The following EYS variants were observed in gnomAD, a reference collection of about 807,000 sequenced individuals.
The protein encoded by EYS is EGF-like photoreceptor maintenance factor.
In EYS, 250 loss-of-function variants were observed where a neutral mutation model predicts 282.1. The ratio of observed to expected loss-of-function variants is 0.89; its 90% CI spans 0.80 to 0.98. The LOEUF (loss-of-function observed/expected upper bound fraction) is 0.98, where lower values mean the gene tolerates loss of function less well. EYS is among the 50% of genes least tolerant of loss of function. The pLI is 0.00. For synonymous variants in EYS, 1,355 were observed against 1,282.9 expected (o/e 1.06, Z -1.20); for missense variants, 4,016 against 3,709.0 (o/e 1.08, Z -2.15).
intron 28 of EYS, among the ~76,000 whole-genome samples, chr6:64,398,231 A>C (rs1195162550): frequency 6.6e-6 from 1 of 151,968 alleles, no homozygotes; most frequent in Non-Finnish European, 1.5e-5. Context: ...GCAAGTTTTA[A>C]ACTTGAACAC....
rs57961542 is a variant in EYS, at chr6:65,594,504, T to TA, written c.-333+45273_-333+45274insT. On this transcript the variant is annotated intron_variant, in intron 2 of 42. Transcript: ENST00000503581. Reference sequence around the variant, plus strand: ...TTGCAGTAGAGACATTTTCCTTTTTTTATATATATTTGTGTCTGTCTTATT... The same window carrying TA: ...TTGCAGTAGAGACATTTTCCTTTTTTATATATATATTTGTGTCTGTCTTATT... 8.7e-3 allele frequency among the ~76,000 whole-genome samples: 1,328 copies of TA among 152,158 alleles called. 13 individuals carry two copies. Among genetic ancestry groups the TA allele is most frequent in the African/African-American group, 0.03 (1,244 of 41,532 alleles).
At chr6:64,324,675 C>T (rs564835797) in intron 29 of EYS, among the ~76,000 whole-genome samples, 3 of 152,162 alleles carry the variant, frequency 2.0e-5, no homozygotes, top group South Asian at 2.1e-4. Flanking sequence ...ATAAGTCAAA[C>T]GATCTTTCTT....
intron 12 of EYS, among the ~76,000 whole-genome samples, chr6:65,151,319 T>C (rs540987098): frequency 6.6e-6 from 1 of 152,132 alleles, no homozygotes; most frequent in Non-Finnish European, 1.5e-5. Flanking sequence ...GGTCTTCATC[T>C]GTAGAAGATA....
chr6:63,871,687 G>A (rs1351239778), intron 35 of EYS, among the ~76,000 whole-genome samples: 1 of 151,830 alleles, frequency 6.6e-6, no homozygotes, highest in African/African-American at 2.4e-5. Context: ...AAAAGAATGT[G>A]TTGTTTGTTA....
At chr6:64,253,682 T>C (rs570180444) in intron 30 of EYS, among the ~76,000 whole-genome samples, 8 of 152,220 alleles carry the variant, frequency 5.3e-5, no homozygotes, top group Non-Finnish European at 1.0e-4. Context: ...ACTGCACCTG[T>C]ACCCTGAACC....
At chr6:64,628,172 A>C (rs1361913913) in intron 22 of EYS, among the ~76,000 whole-genome samples, 1 of 152,048 alleles carries the variant, frequency 6.6e-6, no homozygotes, top group Non-Finnish European at 1.5e-5. Flanking sequence ...TGTGAAGATG[A>C]CATCTTCAGT....
chr6:64,243,901 T>G (rs551416800), intron 30 of EYS, among the ~76,000 whole-genome samples: 1 of 152,170 alleles, frequency 6.6e-6, no homozygotes. Context: ...TTGTTTCAAG[T>G]TTTTCAAGTT....
At chr6:64,704,523 A>G (rs570284220) in intron 22 of EYS, among the ~76,000 whole-genome samples, 1 of 84,210 alleles carries the variant, frequency 1.2e-5, no homozygotes, top group Non-Finnish European at 2.5e-5. Flanking sequence ...TTATAATTAT[A>G]ATACTTATAA....
chr6:64,761,581 C>T (rs559152044), intron 22 of EYS, among the ~76,000 whole-genome samples: 11 of 152,274 alleles, frequency 7.2e-5, no homozygotes, highest in South Asian at 2.1e-4. Context: ...CTCAGCCTCC[C>T]GAGCAGCTGG....
intron 12 of EYS, among the ~76,000 whole-genome samples, chr6:65,080,272 G>C (rs1774193652): frequency 6.6e-6 from 1 of 152,110 alleles, no homozygotes; most frequent in African/African-American, 2.4e-5. Context: ...TTGGCCAACT[G>C]TGAGTACAGT....
rs9451613 is a variant in EYS, at chr6:64,447,631, A to G, written c.5645-8279T>C. Among the ~76,000 whole-genome samples, 282 of 152,276 alleles carry G rather than the reference A, an allele frequency of 1.9e-3. 1 individual carries two copies. Among genetic ancestry groups the G allele is most frequent in the African/African-American group, 6.6e-3 (274 of 41,580 alleles). The stretch of plus-strand genomic sequence containing the variant: ...AAGCAAGTATTAATCATAAAATGCC[A>G]AAAAAAGTTTACAAAACAATCAATA... On this transcript the variant is annotated intron_variant, in intron 26 of 42. Coordinates refer to ENST00000503581, the MANE Select transcript of EYS (RefSeq NM_001142800.2).
intron 2 of EYS, among the ~76,000 whole-genome samples, chr6:65,554,818 G>A (rs1474593739): frequency 1.3e-5 from 2 of 152,154 alleles, no homozygotes; most frequent in Admixed American, 6.5e-5. Flanking sequence ...AGGAGTAGAA[G>A]GCTTTAAGTC....
At chr6:65,316,671 C>A (rs971597632) in intron 11 of EYS, among the ~76,000 whole-genome samples, 1 of 151,744 alleles carries the variant, frequency 6.6e-6, no homozygotes, top group African/African-American at 2.4e-5. Flanking sequence ...TGATGTTCCC[C>A]TCCTTGTGTC....
chr6:65,170,550 C>T (rs994734628), intron 12 of EYS, among the ~76,000 whole-genome samples: 1 of 151,460 alleles, frequency 6.6e-6, no homozygotes, highest in Admixed American at 6.6e-5. Context: ...TTTCTGCCAA[C>T]TTAAAAGGTC....
chr6:64,256,973 T>G (rs1027724023), intron 30 of EYS, among the ~76,000 whole-genome samples: 1 of 152,088 alleles, frequency 6.6e-6, no homozygotes, highest in Non-Finnish European at 1.5e-5. Flanking sequence ...CACAATTATT[T>G]GTTTCTTGCA....
rs1433967086 is a variant in EYS, at chr6:64,388,720, A to C, written c.6048T>G (p.Gly2016=). 2 of 1,538,666 alleles carry C rather than the reference A, an allele frequency of 1.3e-6. No individual in the cohort carries two copies. Among genetic ancestry groups the C allele is most frequent in the East Asian group, 2.5e-5 (1 of 40,112 alleles). The change falls in exon 29 of 43, where the codon GGT becomes GGG. Residue 2016 remains glycine, a synonymous_variant. Coordinates refer to ENST00000503581, the MANE Select transcript of EYS (RefSeq NM_001142800.2). The part of the protein sequence containing the change: ...PLPKSGSVFI[G]GFPDLHGKIQ... The stretch of plus-strand genomic sequence containing the variant: ...TTTTCCCATGAAGGTCTGGAAATCC[A>C]CCAATGAAGACAGATCCTGATTTTG...
chr6:65,482,307 A>G (rs758442412), intron 5 of EYS, among the ~76,000 whole-genome samples: 9 of 152,178 alleles, frequency 5.9e-5, no homozygotes, highest in Non-Finnish European at 1.2e-4. Context: ...AATTTTATAA[A>G]TACTAAGCTT....
intron 19 of EYS, among the ~76,000 whole-genome samples, chr6:64,835,979 C>T (rs774461612): frequency 4.0e-5 from 6 of 151,388 alleles, no homozygotes; most frequent in African/African-American, 1.5e-4. Context: ...TGGTCAAATG[C>T]CTCCCTTTCC....
At chr6:65,685,943 G>A (rs998803780) in intron 1 of EYS, among the ~76,000 whole-genome samples, 1 of 151,986 alleles carries the variant, frequency 6.6e-6, no homozygotes, top group African/African-American at 2.4e-5. Flanking sequence ...ACCATATGGT[G>A]TGCTTCCCAG....
Sources: allele counts gnomAD v4.1 joint callset (sites outside exome capture counted in the v4.1 genomes callset), GRCh38; gene constraint gnomAD v4.1.1; transcripts MANE v1.5; gene names NCBI Gene and HGNC (gene_info 2026-07-23, HGNC 2026-07-21).